The following SLC24A2 variants were observed in gnomAD, a reference collection of about 807,000 sequenced individuals.
SLC24A2 encodes sodium/potassium/calcium exchanger 2.
SLC24A2 carries 36 observed loss-of-function variants against 62.0 expected under a neutral mutation model. That is an observed-to-expected ratio of 0.58 (90% CI 0.44 to 0.77). The LOEUF (loss-of-function observed/expected upper bound fraction) is 0.77, where lower values mean the gene tolerates loss of function less well. Ranked by LOEUF, SLC24A2 falls within the 30% of genes least tolerant of loss-of-function variation. The pLI is 0.00. For synonymous variants in SLC24A2, 358 were observed against 294.0 expected (o/e 1.22, Z -2.23); for missense variants, 846 against 817.9 (o/e 1.03, Z -0.42).
intron 2 of SLC24A2, among the ~76,000 whole-genome samples, chr9:19,652,137 A>C (rs1015305604): frequency 3.9e-5 from 6 of 152,178 alleles, no homozygotes; most frequent in Admixed American, 6.5e-5. Context: ...TTTAATCTGC[A>C]TGTGATTAGA....
At chr9:19,687,882 A>G (rs2118442046) in intron 2 of SLC24A2, among the ~76,000 whole-genome samples, 1 of 152,130 alleles carries the variant, frequency 6.6e-6, no homozygotes, top group Middle Eastern at 3.4e-3. Flanking sequence ...CGTTACTTAA[A>G]TGTTAATTCA....
intron 10 of SLC24A2, among the ~76,000 whole-genome samples, chr9:19,517,910 AACACACACACACACACAC>A (rs56840950): frequency 0.012 from 1,643 of 131,718 alleles, 29 homozygotes; most frequent in African/African-American, 0.042. Flanking sequence ...TTCTTATTAA[AACACACACACACACACAC>A]ACACACACAC....
the SLC24A2 span, among the ~76,000 whole-genome samples, chr9:19,882,927 A>G: frequency 2.6e-5 from 4 of 152,368 alleles, no homozygotes; most frequent in Admixed American, 2.6e-4. Flanking sequence ...AGCAATATGC[A>G]GGAAGACTGA....
At chr9:20,260,265 C>T in the SLC24A2 span, among the ~76,000 whole-genome samples, 6 of 152,232 alleles carry the variant, frequency 3.9e-5, no homozygotes, top group Admixed American at 6.5e-5. Context: ...TTGCCAAATA[C>T]TGGCATCTCA....
chr9:19,536,565 T>C (rs1586912914), intron 8 of SLC24A2, among the ~76,000 whole-genome samples: 1 of 76,678 alleles, frequency 1.3e-5, no homozygotes, highest in East Asian at 4.5e-4. Flanking sequence ...TATTCCATGG[T>C]GTATATGTGC....
In SLC24A2 at chr9:19,555,524, C is replaced by G. The variant is rs1835043946; in HGVS notation, c.1348-5256G>C. Among the ~76,000 whole-genome samples, 3 of 152,142 alleles carry G rather than the reference C, an allele frequency of 2.0e-5. No individual in the cohort carries two copies. In the South Asian group the frequency reaches 6.2e-4, roughly 31 times the overall value. ...TTTTCTCAAAACCATTCATTTTATC[C>G]TTTTTCCTCAGATGTATTTTTGTAA... On this transcript the variant is annotated intron_variant, in intron 7 of 10. Coordinates refer to ENST00000341998, the MANE Select transcript of SLC24A2 (RefSeq NM_020344.4).
At chr9:20,100,654 T>C in the SLC24A2 span, among the ~76,000 whole-genome samples, 17,094 of 152,240 alleles carry the variant, frequency 0.11, 1,026 homozygotes, top group Middle Eastern at 0.17. Context: ...ATGTAATTCA[T>C]TAATAAATTT....
the SLC24A2 span, among the ~76,000 whole-genome samples, chr9:19,942,972 G>C: frequency 1.3e-5 from 2 of 152,088 alleles, no homozygotes; most frequent in African/African-American, 4.8e-5. Context: ...TCTCTATCAG[G>C]GAGTGAAGTG....
chr9:20,166,615 A>C, the SLC24A2 span, among the ~76,000 whole-genome samples: 1 of 151,988 alleles, frequency 6.6e-6, no homozygotes, highest in Admixed American at 6.6e-5. Flanking sequence ...TTATTTTTGC[A>C]AAAAGAAACA....
At chr9:19,583,506 G>T (rs1236994823) in intron 5 of SLC24A2, among the ~76,000 whole-genome samples, 1 of 152,164 alleles carries the variant, frequency 6.6e-6, no homozygotes, top group African/African-American at 2.4e-5. Context: ...CACTGGTTTT[G>T]TTCACTGGTA....
intron 2 of SLC24A2, among the ~76,000 whole-genome samples, chr9:19,693,171 C>T (rs1030488057): frequency 1.3e-5 from 2 of 152,098 alleles, no homozygotes; most frequent in Non-Finnish European, 2.9e-5. Context: ...CATATGTATA[C>T]ATGTGCCATG....
At chr9:19,980,517 T>G in the SLC24A2 span, among the ~76,000 whole-genome samples, 2 of 152,126 alleles carry the variant, frequency 1.3e-5, no homozygotes, top group Admixed American at 6.6e-5. Context: ...TTCTGGCACA[T>G]AGTGGACACT....
the SLC24A2 span, among the ~76,000 whole-genome samples, chr9:19,942,554 G>A: frequency 1.3e-5 from 2 of 152,272 alleles, no homozygotes; most frequent in Admixed American, 6.5e-5. Context: ...GAATTTCTTA[G>A]GGAAAGAAAA....
the SLC24A2 span, among the ~76,000 whole-genome samples, chr9:19,898,672 G>C: frequency 6.7e-6 from 1 of 150,238 alleles, no homozygotes; most frequent in Admixed American, 6.6e-5. Context: ...AACCCAGGAG[G>C]TGGAGCTTGC....
At chr9:19,553,981 A>C (rs1834964222) in intron 7 of SLC24A2, among the ~76,000 whole-genome samples, 4 of 152,098 alleles carry the variant, frequency 2.6e-5, no homozygotes, top group Admixed American at 2.6e-4. Context: ...CATATGTTGA[A>C]GCTGCAACCC....
the SLC24A2 span, among the ~76,000 whole-genome samples, chr9:20,302,450 A>G: frequency 6.6e-6 from 1 of 151,964 alleles, no homozygotes; most frequent in African/African-American, 2.4e-5. Context: ...ATGGTATCTC[A>G]TTGTTTTGAT....
chr9:19,604,359 GA>G (rs781047727), intron 4 of SLC24A2, among the ~76,000 whole-genome samples: 10 of 152,134 alleles, frequency 6.6e-5, no homozygotes, highest in Non-Finnish European at 1.5e-4. Flanking sequence ...GCACACAAAA[GA>G]CAAAACAGCA....
At chr9:19,717,565 T>C (rs1322543150) in intron 2 of SLC24A2, among the ~76,000 whole-genome samples, 1 of 152,238 alleles carries the variant, frequency 6.6e-6, no homozygotes, top group African/African-American at 2.4e-5. Context: ...TCCTATTGAT[T>C]TGTCTTTTTA....
chr9:19,911,038 G>A, the SLC24A2 span, among the ~76,000 whole-genome samples: 5 of 150,742 alleles, frequency 3.3e-5, no homozygotes, highest in Non-Finnish European at 5.9e-5. Context: ...TTTAGCATTA[G>A]GTGTATCTCT....
Sources: gnomAD v4.1 joint callset for allele counts (sites outside exome capture counted in the v4.1 genomes callset) on GRCh38, gnomAD v4.1.1 for gene constraint, MANE v1.5 for transcripts, NCBI Gene and HGNC (gene_info 2026-07-23, HGNC 2026-07-21) for gene names.